The following RASSF8 variants were observed in gnomAD, a reference collection of about 807,000 sequenced individuals.
The protein encoded by RASSF8 is ras association domain-containing protein 8.
Under a neutral mutation model 48.5 loss-of-function variants are expected in RASSF8, and 22 were observed. That is an observed-to-expected ratio of 0.45 (90% CI 0.32 to 0.65). The LOEUF (loss-of-function observed/expected upper bound fraction) is 0.65, where lower values mean the gene tolerates loss of function less well. Ranked by LOEUF, RASSF8 falls within the 30% of genes least tolerant of loss-of-function variation. The probability of loss-of-function intolerance (pLI) is 0.03; values close to 1 mark genes in which losing one functional copy is unlikely to be tolerated. For missense variants in RASSF8, 418 were observed against 489.2 expected, an observed-to-expected ratio of 0.85 and a Z score of 1.37; for synonymous variants, 127 against 171.5, an observed-to-expected ratio of 0.74 and a Z score of 2.03.
intron 1 of RASSF8, among the ~76,000 whole-genome samples, chr12:25,966,518 T>G (rs1565596320): frequency 6.6e-6 from 1 of 152,226 alleles, no homozygotes; most frequent in African/African-American, 2.4e-5. Flanking sequence ...TCATTGTGGT[T>G]TTAATTTGCA....
At chr12:26,015,927 A>G (rs535422433) in intron 2 of RASSF8, among the ~76,000 whole-genome samples, 1 of 152,202 alleles carries the variant, frequency 6.6e-6, no homozygotes, top group East Asian at 1.9e-4. Context: ...ACATGATCAC[A>G]GACCCCACTA....
At chr12:26,016,237 TG>T (rs1942647589) in intron 2 of RASSF8, among the ~76,000 whole-genome samples, 1 of 151,534 alleles carries the variant, frequency 6.6e-6, no homozygotes, top group African/African-American at 2.4e-5. Context: ...TTTGTTTGGT[TG>T]GTTTTTGTTT....
At chr12:26,055,817 T>G (rs1274837502) in intron 3 of RASSF8, among the ~76,000 whole-genome samples, 1 of 152,234 alleles carries the variant, frequency 6.6e-6, no homozygotes, top group Non-Finnish European at 1.5e-5. Context: ...CTATTGTTTA[T>G]TTCTCCATAC....
rs373882195 is a variant in RASSF8 at position 25,971,125 on chromosome 12, G to A, written c.-203+11977G>A. Among the ~76,000 whole-genome samples, 5 of 152,314 alleles carry A rather than the reference G, an allele frequency of 3.3e-5. No individual in the cohort carries two copies. The East Asian group carries it at 5.8e-4, about 18-fold the overall frequency. ...AAGTGACTAAGAGGTCTTTAAGCTT[G>A]TAGCCCTCGATGCAGTTCAAGGAAT... On this transcript the variant is annotated intron_variant, in intron 1 of 5. Coordinates refer to ENST00000689635, the MANE Select transcript of RASSF8 (RefSeq NM_001394098.1).
chr12:26,069,104 A>C lies in RASSF8; in HGVS notation c.*286A>C. The C allele has an allele frequency of 1.9e-6, 2 of 1,045,334 alleles. No homozygotes were observed. Among genetic ancestry groups the C allele is most frequent in the Non-Finnish European group, 2.3e-6 (2 of 867,678 alleles). 64.8% of individuals were successfully genotyped at this position (1,045,334 alleles called of 1,614,324 possible). ...TGAGAGCTTTAGGAAAGTATTATAT[A>C]GTGTGTATACATAAATAAGCCGTGA... On this transcript the variant is annotated 3_prime_UTR_variant, in exon 6 of 6. Coordinates refer to ENST00000689635, the MANE Select transcript of RASSF8 (RefSeq NM_001394098.1).
rs931778363 is a variant in RASSF8 at position 26,072,267 on chromosome 12, A to G, written c.*3449A>G. ...GTTTTTTAAGTTGCATGTTTATACT[A>G]TTTGCTACAGTATTTTTAAGTTTGG... On this transcript the variant is annotated 3_prime_UTR_variant, in exon 6 of 6. Transcript: ENST00000689635. The G allele has an allele frequency of 2.5e-5, 24 of 977,860 alleles. No homozygotes were observed. Among genetic ancestry groups the G allele is most frequent in the African/African-American group, 2.5e-4 (14 of 57,064 alleles). The allele number at this position is 977,860 out of a possible 1,614,324, so 60.6% of individuals were successfully genotyped here. A position where few individuals can be genotyped will look rare whatever the true frequency, so the allele number is the denominator to read the frequency against.
chr12:26,056,280 A>G (rs1943600821), intron 3 of RASSF8, among the ~76,000 whole-genome samples: 1 of 152,140 alleles, frequency 6.6e-6, no homozygotes. Context: ...CTTTCTTCTT[A>G]TTTATTTTAA....
In RASSF8 at chr12:26,072,204, A is replaced by C. The variant is rs760340959; in HGVS notation, c.*3386A>C. On this transcript the variant is annotated 3_prime_UTR_variant, in exon 6 of 6. Transcript: ENST00000689635. ...TGTCTTTATTGGTTTATATTGTGTT[A>C]AAATTAGCTTATAATTATTACTTTT... is the stretch of plus-strand genomic sequence containing the variant. The C allele has an allele frequency of 5.4e-5, 52 of 970,634 alleles. No homozygotes were observed. The highest frequency in any genetic ancestry group is 6.2e-5 in the Non-Finnish European group (51 of 816,558). The allele number at this position is 970,634 out of a possible 1,614,324, so 60.1% of individuals were successfully genotyped here.
intron 1 of RASSF8, among the ~76,000 whole-genome samples, chr12:25,975,896 T>C (rs1941593070): frequency 6.6e-6 from 1 of 152,050 alleles, no homozygotes; most frequent in Non-Finnish European, 1.5e-5. Context: ...CCCTGGAGCA[T>C]GGATGTACAG....
In RASSF8 at chr12:26,069,014, C is replaced by A. The variant is rs940485009; in HGVS notation, c.*196C>A. 7.8e-7 allele frequency: 1 copy of A among 1,289,972 alleles called. No individual in the cohort carries two copies. Among genetic ancestry groups the A allele is most frequent in the East Asian group, 3.3e-5 (1 of 30,308 alleles). 79.9% of individuals were successfully genotyped at this position (1,289,972 alleles called of 1,614,324 possible). A position where few individuals can be genotyped will look rare whatever the true frequency, so the allele number is the denominator to read the frequency against. Reference sequence around the variant, plus strand: ...ACAAAGAAACTGTGTTTTCACACATCAACAGTGTTGATATTTTTGTCCAGC... The same window carrying A: ...ACAAAGAAACTGTGTTTTCACACATAAACAGTGTTGATATTTTTGTCCAGC... On this transcript the variant is annotated 3_prime_UTR_variant, in exon 6 of 6. Transcript: ENST00000689635.
intron 3 of RASSF8, among the ~76,000 whole-genome samples, chr12:26,057,211 C>A (rs1943625996): frequency 6.6e-6 from 1 of 151,712 alleles, no homozygotes; most frequent in Non-Finnish European, 1.5e-5. Flanking sequence ...ATATATGTGC[C>A]ATGTTGGTGT....
intron 2 of RASSF8, among the ~76,000 whole-genome samples, chr12:25,996,372 C>T (rs1942133795): frequency 6.6e-6 from 1 of 152,188 alleles, no homozygotes; most frequent in Non-Finnish European, 1.5e-5. Flanking sequence ...ACTGATGAAG[C>T]TGTGCTATAA....
At chr12:26,053,070 C>G (rs1465722633) in intron 2 of RASSF8, 1 of 151,938 alleles carries the variant, frequency 6.6e-6, no homozygotes, top group East Asian at 1.9e-4. Context: ...TTCAGTTACA[C>G]AATTATGAGT....
At chr12:26,048,155 G>A (rs1943412755) in intron 2 of RASSF8, among the ~76,000 whole-genome samples, 1 of 152,206 alleles carries the variant, frequency 6.6e-6, no homozygotes, top group Non-Finnish European at 1.5e-5. Context: ...AAAAATGGAT[G>A]CTGAGGCAGC....
rs1943970195 is a variant in RASSF8 at position 26,070,185 on chromosome 12, T to C, written c.*1367T>C. ...AATTCTGAAGAAGTTACATCCTCTG[T>C]ATTATTTACATGCAACAAAATAAAA... On this transcript the variant is annotated 3_prime_UTR_variant, in exon 6 of 6. Transcript: ENST00000689635. 1.0e-6 allele frequency: 1 copy of C among 961,448 alleles called. No homozygotes were observed. The highest frequency in any genetic ancestry group is 1.2e-6 in the Non-Finnish European group (1 of 808,152). The allele number at this position is 961,448 out of a possible 1,614,324, so 59.6% of individuals were successfully genotyped here. A position where few individuals can be genotyped will look rare whatever the true frequency, so the allele number is the denominator to read the frequency against.
intron 2 of RASSF8, among the ~76,000 whole-genome samples, chr12:26,054,834 A>G (rs1350662996): frequency 6.6e-6 from 1 of 152,246 alleles, no homozygotes; most frequent in East Asian, 1.9e-4. Flanking sequence ...AACACTGCAC[A>G]CTGCAAAGTG....
chr12:26,077,190 A>T (rs1486432722), downstream of RASSF8, among the ~76,000 whole-genome samples: 1 of 151,986 alleles, frequency 6.6e-6, no homozygotes, highest in Non-Finnish European at 1.5e-5. Context: ...GATTGCAAAA[A>T]TTTTCTCCCA....
At chr12:26,010,589 T>G (rs1174970731) in intron 2 of RASSF8, among the ~76,000 whole-genome samples, 3 of 152,238 alleles carry the variant, frequency 2.0e-5, no homozygotes, top group Non-Finnish European at 4.4e-5. Flanking sequence ...TAATTATCTC[T>G]TCTCATATTA....
chr12:25,964,324 C>A (rs147412128), intron 1 of RASSF8, among the ~76,000 whole-genome samples: 1 of 149,918 alleles, frequency 6.7e-6, no homozygotes, highest in Non-Finnish European at 1.5e-5. Context: ...TCAGATATAT[C>A]ACAAAATATT....
Sources: allele counts gnomAD v4.1 joint callset (sites outside exome capture counted in the v4.1 genomes callset), GRCh38; gene constraint gnomAD v4.1.1; transcripts MANE v1.5; gene names NCBI Gene and HGNC (gene_info 2026-07-23, HGNC 2026-07-21).